SVOPL: variants seen among roughly 807,000 people sequenced by gnomAD.
SVOPL encodes putative transporter SVOPL.
In SVOPL, 60 loss-of-function variants were observed where a neutral mutation model predicts 61.0. The observed-to-expected ratio is 0.98, with a 90% confidence interval of 0.80 to 1.22. The LOEUF (loss-of-function observed/expected upper bound fraction) is 1.22, where lower values mean the gene tolerates loss of function less well. Ranked by LOEUF, SVOPL falls within the 50% of genes most tolerant of loss-of-function variation. The pLI, the probability that SVOPL is intolerant of heterozygous loss-of-function variation, is 0.00. For synonymous variants in SVOPL, 279 were observed against 250.0 expected (o/e 1.12, Z -1.09); for missense variants, 662 against 643.9 (o/e 1.03, Z -0.30).
intron 1 of SVOPL, among the ~76,000 whole-genome samples, chr7:138,695,623 G>A (rs1803048463): frequency 1.3e-5 from 2 of 152,110 alleles, no homozygotes; most frequent in Admixed American, 6.6e-5. Flanking sequence ...GAGACCTGGG[G>A]GGGCTTCTGT....
intron 12 of SVOPL, 90 bp from the exon 13 acceptor site, chr7:138,626,140 G>C: frequency 8.0e-7 from 1 of 1,256,356 alleles, no homozygotes; most frequent in Non-Finnish European, 1.1e-6. Flanking sequence ...TGGATGCTGA[G>C]ATACAATCAC....
chr7:138,624,854 C>T (rs538490471), intron 13 of SVOPL, among the ~76,000 whole-genome samples: 1 of 152,012 alleles, frequency 6.6e-6, no homozygotes, highest in African/African-American at 2.4e-5. Flanking sequence ...CAGGTACATG[C>T]CCCCATCCCT....
chr7:138,652,786 G>A (rs932825994), intron 7 of SVOPL, among the ~76,000 whole-genome samples: 20 of 151,698 alleles, frequency 1.3e-4, no homozygotes, highest in African/African-American at 3.9e-4. Flanking sequence ...CACCACACCC[G>A]ACTAATTTTT....
chr7:138,625,856 T>C, intron 13 of SVOPL, 113 bp downstream of exon 13: 1 of 1,060,736 alleles, frequency 9.4e-7, no homozygotes. Flanking sequence ...ACAGATTGTT[T>C]TTAGAAAATC....
intron 8 of SVOPL, among the ~76,000 whole-genome samples, chr7:138,647,857 AAAAAAAAAAAT>A (rs1801198855): frequency 6.7e-6 from 1 of 150,186 alleles, no homozygotes; most frequent in African/African-American, 2.5e-5. Context: ...CAAAAAAAAA[AAAAAAAAAAAT>A]AGTCACATGC....
intron 9 of SVOPL, among the ~76,000 whole-genome samples, chr7:138,643,438 A>AAAG (rs2116993323): frequency 6.6e-6 from 1 of 151,026 alleles, no homozygotes; most frequent in South Asian, 2.1e-4. Flanking sequence ...AAAAAAAAAA[A>AAAG]AAAAGAAAGT....
chr7:138,659,780 T>C, intron 6 of SVOPL, 84 bp downstream of exon 6: 1 of 1,301,602 alleles, frequency 7.7e-7, no homozygotes, highest in East Asian at 2.6e-5. Flanking sequence ...ACAATGCTTT[T>C]GGTCTATTAA....
At chr7:138,671,770 T>A (rs1190913238) in intron 4 of SVOPL, among the ~76,000 whole-genome samples, 20 of 152,246 alleles carry the variant, frequency 1.3e-4, no homozygotes, top group Non-Finnish European at 1.5e-5. Flanking sequence ...CGATTTAACC[T>A]ATGACTAACC....
intron 13 of SVOPL, among the ~76,000 whole-genome samples, chr7:138,622,110 CTATCTATCTATG>C (rs1799646428): frequency 8.2e-5 from 3 of 36,584 alleles, no homozygotes; most frequent in African/African-American, 1.5e-4. Context: ...ATCTATCTAT[CTATCTATCTATG>C]TATCTATCTA....
At chr7:138,659,556 A>C (rs763217457) in intron 6 of SVOPL, among the ~76,000 whole-genome samples, 12 of 152,018 alleles carry the variant, frequency 7.9e-5, no homozygotes, top group Non-Finnish European at 1.3e-4. Context: ...CCACCCTTTG[A>C]GTTGTCCTGC....
intron 1 of SVOPL, among the ~76,000 whole-genome samples, chr7:138,697,783 A>AAGG (rs927298066): frequency 6.6e-6 from 1 of 151,102 alleles, no homozygotes; most frequent in Admixed American, 6.7e-5. Flanking sequence ...GGAGGAGGAG[A>AAGG]AGGAGAAGAA....
rs758979003 is a variant in SVOPL at position 138,627,389 on chromosome 7, G to A, written c.1142C>T (p.Thr381Met). 204 of 1,613,544 alleles carry A rather than the reference G, an allele frequency of 1.3e-4. No individual in the cohort carries two copies. Among genetic ancestry groups the A allele is most frequent in the Middle Eastern group, 1.6e-4 (1 of 6,082 alleles). Reference sequence around the variant, plus strand: ...GTTGAGGAGAAGGAAGAATAAAGCCGTGCATCCCATGGTAATAGAAAGGCT... The same window carrying A: ...GTTGAGGAGAAGGAAGAATAAAGCCATGCATCCCATGGTAATAGAAAGGCT... ...RLSLSITMGC[T>M]ALFFLLLNIC... Residue 381 changes from threonine to methionine, a missense_variant, in exon 12 of 16, where the codon ACG (threonine) becomes ATG (methionine). Thr to Met is a moderately conservative substitution (Grantham distance 81). Coordinates refer to ENST00000674285, the MANE Select transcript of SVOPL (RefSeq NM_001139456.2).
chr7:138,641,838 T>TATATATATATATATAAC (rs1563112260), intron 9 of SVOPL, among the ~76,000 whole-genome samples: 3 of 132,998 alleles, frequency 2.3e-5, no homozygotes, highest in Non-Finnish European at 3.2e-5. Flanking sequence ...ATATATAACA[T>TATATATATATATATAAC]ATATATATAA....
At chr7:138,675,998 A>G (rs116323984) in intron 3 of SVOPL, among the ~76,000 whole-genome samples, 2,168 of 152,032 alleles carry the variant, frequency 0.014, 59 homozygotes, top group African/African-American at 0.05. Context: ...GCCACCACAC[A>G]TAGTTTTTTG....
chr7:138,695,443 T>C (rs1220196336), intron 1 of SVOPL, among the ~76,000 whole-genome samples: 2 of 151,960 alleles, frequency 1.3e-5, no homozygotes, highest in African/African-American at 4.8e-5. Context: ...GCCTGGGAGG[T>C]TGAAGCTGCA....
At chr7:138,615,841 G>A (rs1352865674) in intron 14 of SVOPL, among the ~76,000 whole-genome samples, 1 of 149,214 alleles carries the variant, frequency 6.7e-6, no homozygotes, top group Non-Finnish European at 1.5e-5. Context: ...TTTAAGAAAG[G>A]AAAAATTTTT....
intron 1 of SVOPL, among the ~76,000 whole-genome samples, chr7:138,688,430 C>T (rs764183863): frequency 5.9e-5 from 9 of 151,936 alleles, no homozygotes; most frequent in African/African-American, 9.7e-5. Flanking sequence ...CCACCACACT[C>T]GGCTAATTTT....
In SVOPL at chr7:138,617,695, G is replaced by T. The variant is rs1253502092; in HGVS notation, c.1353+3351C>A. ...ACTAAAATTCAAAAAAATTAGCCAG[G>T]CATGGTGGCACATGCCTGTAGTCCC... On this transcript the variant is annotated intron_variant, in intron 14 of 15. Coordinates refer to ENST00000674285, the MANE Select transcript of SVOPL (RefSeq NM_001139456.2). Among the ~76,000 whole-genome samples, 8 of 152,260 alleles carry T rather than the reference G, an allele frequency of 5.3e-5. No individual in the cohort carries two copies. The East Asian group carries it at 1.5e-3, about 29-fold the overall frequency.
intron 9 of SVOPL, among the ~76,000 whole-genome samples, chr7:138,634,643 G>C (rs1217935236): frequency 6.6e-6 from 1 of 151,598 alleles, no homozygotes; most frequent in Non-Finnish European, 1.5e-5. Context: ...ACGAGACCCT[G>C]TCTTTTAAAA....
Sources: allele counts gnomAD v4.1 joint callset (sites outside exome capture counted in the v4.1 genomes callset), GRCh38; gene constraint gnomAD v4.1.1; transcripts MANE v1.5; gene names NCBI Gene and HGNC (gene_info 2026-07-23, HGNC 2026-07-21).